The following DNAH8 variants were observed in gnomAD, a reference collection of about 807,000 sequenced individuals.
DNAH8 encodes the protein axonemal beta dynein heavy chain 8.
Under a neutral mutation model 562.1 loss-of-function variants are expected in DNAH8, and 382 were observed. The ratio of observed to expected loss-of-function variants is 0.68; its 90% confidence interval spans 0.63 to 0.74. DNAH8 has a LOEUF of 0.74. Ranked by LOEUF, DNAH8 falls within the 30% of genes least tolerant of loss-of-function variation. The pLI is 0.00. For synonymous variants in DNAH8, 1,881 were observed against 1,919.4 expected (o/e 0.98, Z 0.52); for missense variants, 5,203 against 5,620.4 (o/e 0.93, Z 2.37).
At chr6:38,803,929 C>G (rs1771019314) in intron 22 of DNAH8, among the ~76,000 whole-genome samples, 1 of 152,196 alleles carries the variant, frequency 6.6e-6, no homozygotes, top group African/African-American at 2.4e-5. Flanking sequence ...TCCATTCCCC[C>G]TCCCATGATT....
Position 38,778,431 on chromosome 6 carries a change from T to C in DNAH8, c.2006T>C (p.Leu669Ser). 6.3e-7 allele frequency: 1 copy of C among 1,596,978 alleles called. No homozygotes were observed. Among genetic ancestry groups the C allele is most frequent in the Non-Finnish European group, 8.6e-7 (1 of 1,165,964 alleles). ...AFMNSSFGKI[L>S]SSQQALQLLQ... Reference sequence around the variant, plus strand: ...ATGAACAGTAGTTTTGGGAAAATCTTATCTTCTCAGCAGGCTCTTCAGCTA... The same window carrying C: ...ATGAACAGTAGTTTTGGGAAAATCTCATCTTCTCAGCAGGCTCTTCAGCTA... The change falls in exon 14 of 93, where the codon TTA (leucine) becomes TCA (serine). Residue 669 changes from leucine (L) to serine (S), a missense_variant. Leu to Ser is a moderately radical substitution (Grantham distance 145). Transcript: ENST00000327475.
In DNAH8 at chr6:38,828,282, CAAAG is replaced by C; in HGVS notation, c.4183_4186del (p.Lys1395LeufsTer8). 2 of 1,550,966 alleles carry C rather than the reference CAAAG, an allele frequency of 1.3e-6. No individual in the cohort carries two copies. Among genetic ancestry groups the C allele is most frequent in the Non-Finnish European group, 1.7e-6 (2 of 1,145,038 alleles). ...GATATTCTTTCAACAAATTGCAGAG[CAAAG>C]CTGTAAGTATGAATTTAACTACATT... On this transcript the variant is annotated frameshift_variant and splice_region_variant, in exon 30 of 93. Transcript: ENST00000327475. LOFTEE classifies it high-confidence loss of function.
intron 8 of DNAH8, among the ~76,000 whole-genome samples, chr6:38,742,926 C>T (rs1047833154): frequency 6.6e-6 from 1 of 151,656 alleles, no homozygotes; most frequent in African/African-American, 2.4e-5. Context: ...CTTCCCCACC[C>T]CTGATAGTAT....
At chr6:39,029,950 T>G (rs1446507697) in intron 92 of DNAH8, among the ~76,000 whole-genome samples, 155 bp from the exon 93 acceptor site, 1 of 152,228 alleles carries the variant, frequency 6.6e-6, no homozygotes, top group East Asian at 1.9e-4. Flanking sequence ...GGGCTCAGTA[T>G]TTCACGAATG....
At chr6:38,862,976 T>G (rs1776750299) in intron 44 of DNAH8, among the ~76,000 whole-genome samples, 1 of 152,162 alleles carries the variant, frequency 6.6e-6, no homozygotes, top group African/African-American at 2.4e-5. Flanking sequence ...TCTACATGCA[T>G]TCTCTTGGTG....
At chr6:38,916,276 C>T (rs1243348624) in intron 68 of DNAH8, among the ~76,000 whole-genome samples, 1 of 152,154 alleles carries the variant, frequency 6.6e-6, no homozygotes, top group Non-Finnish European at 1.5e-5. Context: ...TTTAAACGTG[C>T]CTCCACCTCT....
chr6:38,727,572 G>A (rs768825957), intron 3 of DNAH8, among the ~76,000 whole-genome samples: 1 of 152,188 alleles, frequency 6.6e-6, no homozygotes, highest in Non-Finnish European at 1.5e-5. Flanking sequence ...GGGGATCACG[G>A]TTCTCCGTTG....
intron 77 of DNAH8, among the ~76,000 whole-genome samples, chr6:38,937,202 C>T (rs946500687): frequency 1.5e-5 from 2 of 134,070 alleles, no homozygotes; most frequent in Middle Eastern, 4.1e-3. Flanking sequence ...TGGGGCCTGT[C>T]GGTGGGTAGG....
chr6:38,726,657 C>T (rs1400716424), intron 3 of DNAH8, among the ~76,000 whole-genome samples: 1 of 151,968 alleles, frequency 6.6e-6, no homozygotes, highest in African/African-American at 2.4e-5. Flanking sequence ...ATCGTGTACC[C>T]AGTAGGGAAA....
Position 38,852,721 on chromosome 6 carries a change from A to G in DNAH8, c.5494A>G (p.Ile1832Val), listed in dbSNP as rs1167794042. 6 of 1,613,818 alleles carry G rather than the reference A, an allele frequency of 3.7e-6. No homozygotes were observed. The highest frequency in any genetic ancestry group is 5.1e-6 in the Non-Finnish European group (6 of 1,179,796). The change falls in exon 40 of 93, where the codon ATC becomes GTC. Residue 1832 changes from isoleucine to valine, a missense_variant. Physicochemically the swap from Ile to Val is conservative, Grantham distance 29. Around this residue, in one of 6 missense-constraint regions of DNAH8, gnomAD observed 2,176 missense variants for 2,365.1 expected, o/e 0.92. Coordinates refer to ENST00000327475, the MANE Select transcript of DNAH8 (RefSeq NM_001206927.2). ...QPHLPAVSDNINEVTFHAKDY... is the reference protein window; with the variant it reads ...QPHLPAVSDNVNEVTFHAKDY... ...GCATCTCCCTGCAGTATCTGACAAC[A>G]TCAATGAGGTGACATTTCATGCAAA...
intron 62 of DNAH8, among the ~76,000 whole-genome samples, chr6:38,900,702 C>T (rs1181711234): frequency 1.3e-5 from 2 of 151,960 alleles, no homozygotes; most frequent in Non-Finnish European, 2.9e-5. Context: ...ACTGCAAACT[C>T]CACCTCCCAG....
At chr6:38,825,437 G>T (rs1773227209) in intron 28 of DNAH8, among the ~76,000 whole-genome samples, 1 of 152,120 alleles carries the variant, frequency 6.6e-6, no homozygotes. Flanking sequence ...CTATGTTAAG[G>T]GAGAAAAGGT....
At chr6:38,721,114 C>T (rs529819731) in intron 1 of DNAH8, among the ~76,000 whole-genome samples, 11 of 152,112 alleles carry the variant, frequency 7.2e-5, no homozygotes, top group African/African-American at 2.7e-4. Flanking sequence ...GAGTTTGTGA[C>T]CAGTCTGAGC....
At chr6:38,936,132 T>C (rs956560347) in intron 77 of DNAH8, among the ~76,000 whole-genome samples, 2 of 151,964 alleles carry the variant, frequency 1.3e-5, no homozygotes, top group African/African-American at 2.4e-5. Context: ...GTGGATCACC[T>C]GAGGTCAGGA....
At chr6:38,989,667 G>A (rs955710540) in intron 87 of DNAH8, among the ~76,000 whole-genome samples, 1 of 152,124 alleles carries the variant, frequency 6.6e-6, no homozygotes, top group Non-Finnish European at 1.5e-5. Flanking sequence ...CTTGTGTGTG[G>A]GAGTATGGCC....
In DNAH8 at chr6:38,862,072, T is replaced by C. The variant is rs532707542; in HGVS notation, c.6132-208T>C. 1.4e-3 allele frequency among the ~76,000 whole-genome samples: 208 copies of C among 152,076 alleles called. 1 individual carries two copies. Among genetic ancestry groups the C allele is most frequent in the African/African-American group, 4.6e-3 (192 of 41,486 alleles). Reference sequence around the variant, plus strand: ...GGTTTTAAGTCAGGGTTGAGGAGTTTTGAAATTAGTCTCAAGAAATCTTTG... The same window carrying C: ...GGTTTTAAGTCAGGGTTGAGGAGTTCTGAAATTAGTCTCAAGAAATCTTTG... On this transcript the variant is annotated intron_variant, in intron 43 of 92. Transcript: ENST00000327475.
chr6:38,878,517 A>G (rs1213532364), intron 53 of DNAH8, among the ~76,000 whole-genome samples: 1 of 152,202 alleles, frequency 6.6e-6, no homozygotes. Context: ...AACAGAAAAA[A>G]ATCAATGAAA....
At chr6:38,739,954 A>G (rs1764395055) in intron 7 of DNAH8, among the ~76,000 whole-genome samples, 1 of 152,160 alleles carries the variant, frequency 6.6e-6, no homozygotes, top group Non-Finnish European at 1.5e-5. Flanking sequence ...AATTGTCTCG[A>G]TTTAAGATTC....
chr6:38,900,210 G>C (rs533183401), intron 62 of DNAH8, among the ~76,000 whole-genome samples: 1 of 152,180 alleles, frequency 6.6e-6, no homozygotes, highest in South Asian at 2.1e-4. Flanking sequence ...GCCCAGTTTT[G>C]AATTTTGTAT....
Sources: allele counts gnomAD v4.1 joint callset (sites outside exome capture counted in the v4.1 genomes callset), GRCh38; gene constraint gnomAD v4.1.1; regional missense constraint gnomAD v4.1.1; transcripts MANE v1.5; gene names NCBI Gene and HGNC (gene_info 2026-07-23, HGNC 2026-07-21).